Variants in AMN1 observed in about 807,000 individuals in gnomAD.
AMN1 encodes antagonist of mitotic exit network 1 homolog.
A neutral mutation model predicts 33.0 loss-of-function variants in AMN1; 20 were observed. That is an observed-to-expected ratio of 0.61 (90% confidence interval 0.43 to 0.88). The LOEUF (loss-of-function observed/expected upper bound fraction) is 0.88, where lower values mean the gene tolerates loss of function less well. Among genes scored for constraint, AMN1 ranks in the 40% least tolerant of loss-of-function variants. The probability of loss-of-function intolerance (pLI) is 0.00; values close to 1 mark genes in which losing one functional copy is unlikely to be tolerated. For synonymous variants in AMN1, 114 were observed against 111.9 expected (o/e 1.02, Z -0.12); for missense variants, 246 against 307.4 (o/e 0.80, Z 1.49).
intron 6 of AMN1, chr12:31,673,609 T>TC: frequency 2.3e-6 from 1 of 431,284 alleles, no homozygotes; most frequent in African/African-American, 2.0e-5. Context: ...GGAAACACTT[T>TC]CCAACTCTTT....
intron 3 of AMN1, among the ~76,000 whole-genome samples, chr12:31,699,222 C>T (rs1488449382): frequency 2.0e-5 from 3 of 151,278 alleles, no homozygotes; most frequent in Non-Finnish European, 4.4e-5. Context: ...GAAACCCTGT[C>T]TCTACTAAAA....
chr12:31,707,880 A>G (rs190021853), intron 2 of AMN1, among the ~76,000 whole-genome samples: 3 of 152,328 alleles, frequency 2.0e-5, no homozygotes, highest in African/African-American at 7.2e-5. Context: ...TAAATTGTGA[A>G]GATTTCATGG....
rs1158072363 is a variant in AMN1 at position 31,687,500 on chromosome 12, T to C, written c.703+1507A>G. ...GGTCAGGAGCCTGGCCTGACCAGTA[T>C]GGTGATACCCCGTCTCTACTAAAAA... On this transcript the variant is annotated intron_variant, in intron 6 of 6. Transcript: ENST00000281471. The surrounding 1 kb of genome is among the most constrained non-coding windows in gnomAD (Gnocchi z 4.1). Among the ~76,000 whole-genome samples the C allele has an allele frequency of 6.6e-6, 1 of 152,072 alleles. No homozygotes were observed. The highest frequency in any genetic ancestry group is 2.4e-5 in the African/African-American group (1 of 41,514).
At chr12:31,680,120 C>CT (rs1937933144) in intron 6 of AMN1, among the ~76,000 whole-genome samples, 1 of 139,262 alleles carries the variant, frequency 7.2e-6, no homozygotes, top group South Asian at 2.4e-4. Flanking sequence ...GAAACTCCAT[C>CT]TCAAAAAAAA....
At chr12:31,708,970 G>C (rs1316200347) in intron 2 of AMN1, 1 of 406,776 alleles carries the variant, frequency 2.5e-6, no homozygotes, top group East Asian at 7.1e-5. Context: ...TTGAGCTCCG[G>C]AGTTCGAGAC....
rs1233469742 is a variant in AMN1, at chr12:31,710,464, TAC to T, written c.39-1041_39-1040del. ...TTTTCTTTTTCCTCTTTTGGTTTCC[TAC>T]ACAGTTTCCTCTCTTGTCCTTCCCC... On this transcript the variant is annotated intron_variant, in intron 1 of 6. Coordinates refer to ENST00000281471, the MANE Select transcript of AMN1 (RefSeq NM_001113402.2). Among the ~76,000 whole-genome samples the T allele has an allele frequency of 2.6e-5, 4 of 152,082 alleles. 1 individual carries two copies. The South Asian group carries it at 6.2e-4, about 24-fold the overall frequency.
chr12:31,695,767 G>C (rs1002097661), intron 5 of AMN1, among the ~76,000 whole-genome samples: 1 of 151,398 alleles, frequency 6.6e-6, no homozygotes, highest in African/African-American at 2.4e-5. Context: ...GATTATAGGC[G>C]TGAGCCACCA....
intron 6 of AMN1, among the ~76,000 whole-genome samples, chr12:31,676,888 G>C (rs1432496462): frequency 2.0e-5 from 3 of 151,830 alleles, no homozygotes; most frequent in Admixed American, 1.3e-4. Flanking sequence ...CATGAAGATA[G>C]AGTATTTAGG....
intron 2 of AMN1, among the ~76,000 whole-genome samples, chr12:31,705,038 T>C (rs1195137962): frequency 6.6e-6 from 1 of 152,208 alleles, no homozygotes; most frequent in Non-Finnish European, 1.5e-5. Flanking sequence ...TTATTCTACT[T>C]CCACAGAGCC....
chr12:31,702,341 A>T (rs932137165), intron 2 of AMN1, among the ~76,000 whole-genome samples: 4 of 151,638 alleles, frequency 2.6e-5, no homozygotes, highest in Admixed American at 2.6e-4. Flanking sequence ...GGCATTAGAG[A>T]CTCTCCCTAT....
chr12:31,681,697 CTT>C (rs1288801241), intron 6 of AMN1, among the ~76,000 whole-genome samples: 1 of 152,158 alleles, frequency 6.6e-6, no homozygotes, highest in Non-Finnish European at 1.5e-5. Context: ...TAGTTTTAGT[CTT>C]AGCACTATTA....
At chr12:31,723,527 G>C (rs1220957451) in intron 1 of AMN1, among the ~76,000 whole-genome samples, 1 of 152,060 alleles carries the variant, frequency 6.6e-6, no homozygotes, top group Non-Finnish European at 1.5e-5. Flanking sequence ...AGCCAGGATG[G>C]TCTCGATCTC....
intron 1 of AMN1, among the ~76,000 whole-genome samples, chr12:31,726,175 T>TG (rs60494611): frequency 0.056 from 8,474 of 150,310 alleles, 457 homozygotes; most frequent in East Asian, 0.26. Flanking sequence ...TTTTTTTTTT[T>TG]GGGGGGACGG....
At chr12:31,703,941 A>G (rs1939113780) in intron 2 of AMN1, among the ~76,000 whole-genome samples, 1 of 152,176 alleles carries the variant, frequency 6.6e-6, no homozygotes, top group South Asian at 2.1e-4. Context: ...GTGCTTTACT[A>G]GCCTTATTAC....
At chr12:31,698,745 T>C (rs1938848967) in intron 3 of AMN1, among the ~76,000 whole-genome samples, 1 of 152,080 alleles carries the variant, frequency 6.6e-6, no homozygotes, top group Non-Finnish European at 1.5e-5. Context: ...AAAGAACTTT[T>C]TTTTTTTCTT....
chr12:31,680,710 G>A (rs1937970860), intron 6 of AMN1, among the ~76,000 whole-genome samples: 1 of 152,184 alleles, frequency 6.6e-6, no homozygotes, highest in Non-Finnish European at 1.5e-5. Flanking sequence ...ATTACAGTGA[G>A]CAGTGCTAAT....
chr12:31,682,848 A>G (rs1938084439), intron 6 of AMN1, among the ~76,000 whole-genome samples: 1 of 152,152 alleles, frequency 6.6e-6, no homozygotes, highest in Non-Finnish European at 1.5e-5. Context: ...GATCTTCCAG[A>G]TCAAAAATAT....
chr12:31,685,733 G>A (rs531258436), intron 6 of AMN1, among the ~76,000 whole-genome samples: 5 of 150,122 alleles, frequency 3.3e-5, no homozygotes, highest in African/African-American at 4.9e-5. Flanking sequence ...CCTGGGAGGC[G>A]GAGGTTGCAG....
At position 31,722,130 on chromosome 12, in the gene AMN1, G is replaced by GACACACAC. The variant is rs57266162; in HGVS notation, c.38+6833_38+6840dup. Among the ~76,000 whole-genome samples, 611 of 144,060 alleles carry GACACACAC rather than the reference G, an allele frequency of 4.2e-3. 5 individuals are homozygous for GACACACAC. Among genetic ancestry groups the GACACACAC allele is most frequent in the African/African-American group, 0.013 (486 of 38,198 alleles). 94.5% of individuals were successfully genotyped at this position (144,060 alleles called of 152,430 possible). ...GACAAGTTGACTATATCAGGCCTTT[G>GACACACAC]ACACACACACACACACACACACACA... On this transcript the variant is annotated intron_variant, in intron 1 of 6. Transcript: ENST00000281471.
Sources: gnomAD v4.1 joint callset for allele counts (sites outside exome capture counted in the v4.1 genomes callset) on GRCh38, gnomAD v4.1.1 for gene constraint, Gnocchi (gnomAD v3.1) non-coding constraint, MANE v1.5 for transcripts, NCBI Gene and HGNC (gene_info 2026-07-23, HGNC 2026-07-21) for gene names.